IP6K3: variants seen among roughly 807,000 people sequenced by gnomAD.
The protein encoded by IP6K3 is ATP:1D-myo-inositol-hexakisphosphate phosphotransferase.
Under a neutral mutation model 28.8 loss-of-function variants are expected in IP6K3, and 20 were observed. That is an observed-to-expected ratio of 0.70 (90% CI 0.49 to 1.01). The LOEUF is 1.01. Among genes scored for constraint, IP6K3 ranks in the 50% least tolerant of loss-of-function variants. The pLI, the probability that IP6K3 is intolerant of heterozygous loss-of-function variation, is 0.00. For synonymous variants in IP6K3, 213 were observed against 221.3 expected, an observed-to-expected ratio of 0.96 and a Z score of 0.33; for missense variants, 480 against 537.1, an observed-to-expected ratio of 0.89 and a Z score of 1.05.
the IP6K3 span, among the ~76,000 whole-genome samples, chr6:33,762,043 G>A: frequency 0.2 from 31,000 of 152,060 alleles, 3,495 homozygotes; most frequent in Admixed American, 0.29. Context: ...GGCCACACGA[G>A]TGACCCTTCT....
chr6:33,743,875 T>C lies in IP6K3; in HGVS notation c.-180+2883A>G, dbSNP rs558651755. Among the ~76,000 whole-genome samples the C allele has an allele frequency of 4.6e-5, 7 of 151,748 alleles. No homozygotes were observed. In the South Asian group the frequency reaches 1.0e-3, roughly 23 times the overall value. On this transcript the variant is annotated intron_variant, in intron 1 of 5. Transcript: ENST00000293756. Reference sequence around the variant, plus strand: ...GAGGGTTTTTTTTTTCTTTTTTTTTTCTTAACATTTAAAATCTCCCAACAT... The same window carrying C: ...GAGGGTTTTTTTTTTCTTTTTTTTTCCTTAACATTTAAAATCTCCCAACAT...
chr6:33,722,586 T>C lies in IP6K3; in HGVS notation c.*134A>G. On this transcript the variant is annotated 3_prime_UTR_variant, in exon 6 of 6. Coordinates refer to ENST00000293756, the MANE Select transcript of IP6K3 (RefSeq NM_054111.5). ...CAGCAGCTGTTAATATAGTCTGCCA[T>C]ATATAGAGATGGTTTTTGAAGGTAG... is the stretch of plus-strand genomic sequence containing the variant. 1 of 633,640 alleles carries C rather than the reference T, an allele frequency of 1.6e-6. No individual in the cohort carries two copies. Among genetic ancestry groups the C allele is most frequent in the Non-Finnish European group, 2.8e-6 (1 of 354,872 alleles). The allele number at this position is 633,640 out of a possible 1,614,324, so 39.3% of individuals were successfully genotyped here.
chr6:33,748,106 T>G (rs1766961827), upstream of IP6K3, among the ~76,000 whole-genome samples: 1 of 152,056 alleles, frequency 6.6e-6, no homozygotes, highest in African/African-American at 2.4e-5. Context: ...CCTGGGCTGC[T>G]CCATATGTGG....
At chr6:33,728,790 T>A (rs944368497) in intron 2 of IP6K3, among the ~76,000 whole-genome samples, 1 of 151,988 alleles carries the variant, frequency 6.6e-6, no homozygotes, top group Non-Finnish European at 1.5e-5. Context: ...GCACCCTTCT[T>A]CTCCCTCCCA....
Position 33,742,762 on chromosome 6 carries a change from G to A in IP6K3, c.-180+3996C>T, listed in dbSNP as rs1766772598. ...CTAAAAGTATAATGAGTATTGCATA[G>A]GGACTGGTAGGGAAAAAACTGTGTT... On this transcript the variant is annotated intron_variant, in intron 1 of 5. Transcript: ENST00000293756. This position sits in a 1 kb window ranked among gnomAD's most constrained non-coding sequence, Gnocchi z 4.5. Among the ~76,000 whole-genome samples the A allele has an allele frequency of 6.6e-6, 1 of 152,154 alleles. No individual in the cohort carries two copies. The highest frequency in any genetic ancestry group is 2.4e-5 in the African/African-American group (1 of 41,438).
chr6:33,752,704 A>T, the IP6K3 span, among the ~76,000 whole-genome samples: 6 of 152,190 alleles, frequency 3.9e-5, no homozygotes, highest in Non-Finnish European at 1.5e-5. Flanking sequence ...TCTGCTGCAC[A>T]GAATCCAGGC....
the IP6K3 span, among the ~76,000 whole-genome samples, chr6:33,762,126 C>A: frequency 6.6e-6 from 1 of 152,148 alleles, no homozygotes; most frequent in Non-Finnish European, 1.5e-5. Flanking sequence ...CTGCCCGGAG[C>A]CCTTGTGTGT....
upstream of IP6K3, among the ~76,000 whole-genome samples, chr6:33,751,504 GTGTGTGTGTGTGTGTT>G (rs1008777059): frequency 1.6e-5 from 2 of 126,164 alleles, no homozygotes; most frequent in African/African-American, 2.6e-5. This position sits in a 1 kb window ranked among gnomAD's most constrained non-coding sequence, Gnocchi z 4.3. Flanking sequence ...GTGTGTGTGT[GTGTGTGTGTGTGTGTT>G]TGGCCCCGGG....
chr6:33,731,453 G>A (rs1766318930), intron 2 of IP6K3, among the ~76,000 whole-genome samples: 1 of 152,224 alleles, frequency 6.6e-6, no homozygotes, highest in African/African-American at 2.4e-5. Flanking sequence ...GTAAATGGAG[G>A]AGAGCAGAGG....
chr6:33,748,246 C>T (rs938864396), upstream of IP6K3, among the ~76,000 whole-genome samples: 1 of 152,148 alleles, frequency 6.6e-6, no homozygotes, highest in African/African-American at 2.4e-5. Flanking sequence ...TCTGGTCCCT[C>T]CAGACCTGTT....
Position 33,728,312 on chromosome 6 carries a change from C to T in IP6K3, c.200-12G>A. 1 of 1,613,650 alleles carries T rather than the reference C, an allele frequency of 6.2e-7. No homozygotes were observed. Among genetic ancestry groups the T allele is most frequent in the Non-Finnish European group, 8.5e-7 (1 of 1,179,646 alleles). ...CACTGTGACGGTACCTGCAAACACA[C>T]AGGGAAGGGGAGGGGAGGAGCCAGT... On this transcript the variant is annotated splice_polypyrimidine_tract_variant and intron_variant, in intron 2 of 5. Coordinates refer to ENST00000293756, the MANE Select transcript of IP6K3 (RefSeq NM_054111.5).
rs1301905911 is a variant in IP6K3 at position 33,742,594 on chromosome 6, G to A, written c.-180+4164C>T. ...AATCCTCACCACCACAATCTGCAGAGTAGGAAAGTAATCCCCTAGAGGCAC... is the reference window on the plus strand; with the variant it reads ...AATCCTCACCACCACAATCTGCAGAATAGGAAAGTAATCCCCTAGAGGCAC... On this transcript the variant is annotated intron_variant, in intron 1 of 5. Coordinates refer to ENST00000293756, the MANE Select transcript of IP6K3 (RefSeq NM_054111.5). The surrounding 1 kb of genome is among the most constrained non-coding windows in gnomAD (Gnocchi z 4.5). 6.6e-6 allele frequency among the ~76,000 whole-genome samples: 1 copy of A among 152,182 alleles called. No individual in the cohort carries two copies. Among genetic ancestry groups the A allele is most frequent in the Non-Finnish European group, 1.5e-5 (1 of 68,036 alleles).
intron 1 of IP6K3, among the ~76,000 whole-genome samples, chr6:33,738,278 T>C (rs1030970817): frequency 5.9e-5 from 9 of 152,158 alleles, no homozygotes; most frequent in Admixed American, 5.9e-4. Flanking sequence ...GGCCCCACAC[T>C]AGCCAGACCT....
chr6:33,726,701 G>A, intron 4 of IP6K3, 30 bp downstream of exon 4: 1 of 1,541,004 alleles, frequency 6.5e-7, no homozygotes, highest in Non-Finnish European at 8.8e-7. Flanking sequence ...CCGCCCTTGG[G>A]ACCACATGTG....
At chr6:33,734,431 C>T (rs1464148512) in intron 2 of IP6K3, among the ~76,000 whole-genome samples, 1 of 152,178 alleles carries the variant, frequency 6.6e-6, no homozygotes, top group African/African-American at 2.4e-5. Context: ...TTTTGACTGA[C>T]TTATTTGGAT....
At chr6:33,751,514 G>GTGTA (rs772758761), upstream of IP6K3, among the ~76,000 whole-genome samples, 1 of 109,560 alleles carries the variant, frequency 9.1e-6, no homozygotes, top group East Asian at 2.2e-4. The surrounding 1 kb of genome is among the most constrained non-coding windows in gnomAD (Gnocchi z 4.3). Context: ...GTGTGTGTGT[G>GTGTA]TGTGTTTGGC....
chr6:33,735,301 T>A lies in IP6K3; in HGVS notation c.176A>T (p.Lys59Met), dbSNP rs1766477319. The A allele has an allele frequency of 1.2e-6, 2 of 1,612,108 alleles. No homozygotes were observed. Among genetic ancestry groups the A allele is most frequent in the Admixed American group, 1.7e-5 (1 of 59,776 alleles). The change falls in exon 2 of 6, where the codon AAG becomes ATG. Residue 59 changes from lysine to methionine, a missense_variant. Transcript: ENST00000293756. ...ACCTTTGTACTGTGGGGTGAACCGC[T>A]TCATGGCCAGCGGCAGGGATTCATA... ...RFYESLPLAM[K>M]RFTPQYKGTV...
upstream of IP6K3, among the ~76,000 whole-genome samples, chr6:33,750,061 A>G (rs72880506): frequency 0.059 from 8,969 of 152,076 alleles, 332 homozygotes; most frequent in Non-Finnish European, 0.08. This position sits in a 1 kb window ranked among gnomAD's most constrained non-coding sequence, Gnocchi z 4.3. Context: ...ACCTTTGAGG[A>G]CTTCCCACTT....
At chr6:33,739,815 G>T (rs899630425) in intron 1 of IP6K3, among the ~76,000 whole-genome samples, 3 of 152,218 alleles carry the variant, frequency 2.0e-5, no homozygotes, top group African/African-American at 7.2e-5. Flanking sequence ...AGAAGTCCAG[G>T]GTCTACTCCA....
Sources: allele counts gnomAD v4.1 joint callset (sites outside exome capture counted in the v4.1 genomes callset), GRCh38; gene constraint gnomAD v4.1.1; non-coding constraint Gnocchi (gnomAD v3.1); transcripts MANE v1.5; gene names NCBI Gene and HGNC (gene_info 2026-07-23, HGNC 2026-07-21).